TENM4: variants seen among roughly 807,000 people sequenced by gnomAD.
TENM4 encodes the protein teneurin transmembrane protein 4.
A neutral mutation model predicts 243.3 loss-of-function variants in TENM4; 82 were observed. The ratio of observed to expected loss-of-function variants is 0.34; its 90% CI spans 0.28 to 0.40. The LOEUF is 0.40. Among genes scored for constraint, TENM4 ranks in the 10% least tolerant of loss-of-function variants. TENM4 has a pLI of 1.00. For synonymous variants in TENM4, 1,412 were observed against 1,456.3 expected (o/e 0.97, Z 0.69); for missense variants, 3,138 against 3,673.3 (o/e 0.85, Z 3.77).
chr11:79,078,900 C>T (rs532779679), intron 4 of TENM4, among the ~76,000 whole-genome samples: 1 of 152,310 alleles, frequency 6.6e-6, no homozygotes, highest in Non-Finnish European at 1.5e-5. Context: ...CTGTCTGACC[C>T]CAAGGTTCAA....
In TENM4 at chr11:79,139,837, G is replaced by T. The variant is rs1333590632; in HGVS notation, c.-66+8873C>A. The stretch of plus-strand genomic sequence containing the variant: ...ATTTTATATTTATATATAATACATA[G>T]ATTATGTAATATATATGTATTTTCC... On this transcript the variant is annotated intron_variant, in intron 4 of 33. Coordinates refer to ENST00000278550, the MANE Select transcript of TENM4 (RefSeq NM_001098816.3). Among the ~76,000 whole-genome samples the T allele has an allele frequency of 8.7e-4, 78 of 89,968 alleles. 2 individuals carry two copies. Among genetic ancestry groups the T allele is most frequent in the African/African-American group, 4.1e-3 (73 of 17,700 alleles). 59.0% of individuals were successfully genotyped at this position (89,968 alleles called of 152,430 possible). A position where few individuals can be genotyped will look rare whatever the true frequency, so the allele number is the denominator to read the frequency against.
At chr11:78,771,350 G>A (rs997553067) in intron 17 of TENM4, among the ~76,000 whole-genome samples, 2 of 152,200 alleles carry the variant, frequency 1.3e-5, no homozygotes, top group South Asian at 2.1e-4. Context: ...TGCCAGGGTC[G>A]CACAGTCAGA....
chr11:79,244,096 G>GC (rs1451569277), intron 2 of TENM4, among the ~76,000 whole-genome samples: 2 of 152,196 alleles, frequency 1.3e-5, no homozygotes, highest in Non-Finnish European at 2.9e-5. Flanking sequence ...GCCCTGGAGA[G>GC]CCCCTTAGAA....
intron 1 of TENM4, among the ~76,000 whole-genome samples, chr11:79,352,324 C>T (rs1323647271): frequency 1.3e-5 from 2 of 152,214 alleles, no homozygotes; most frequent in South Asian, 2.1e-4. Context: ...CTGACCCAAA[C>T]ACAATCACCA....
chr11:78,903,788 A>G (rs917443218), intron 6 of TENM4: 13 of 703,366 alleles, frequency 1.8e-5, no homozygotes, highest in Admixed American at 1.0e-4. Flanking sequence ...AATAAACAAC[A>G]TAAAAAAGAC....
intron 5 of TENM4, among the ~76,000 whole-genome samples, chr11:79,068,793 G>A (rs1213703361): frequency 1.3e-5 from 2 of 152,192 alleles, no homozygotes; most frequent in Non-Finnish European, 2.9e-5. Context: ...TGGCAGGTCT[G>A]GAAACTTGAG....
At chr11:79,399,373 G>A (rs1435092487) in intron 1 of TENM4, among the ~76,000 whole-genome samples, 1 of 152,174 alleles carries the variant, frequency 6.6e-6, no homozygotes, top group African/African-American at 2.4e-5. Flanking sequence ...TATGGACAAG[G>A]ACTAATCTGT....
chr11:79,167,233 C>T (rs1862934668), intron 3 of TENM4, among the ~76,000 whole-genome samples: 1 of 152,172 alleles, frequency 6.6e-6, no homozygotes, highest in Non-Finnish European at 1.5e-5. Flanking sequence ...AGCATCATAT[C>T]TGAGTTCACA....
intron 15 of TENM4, among the ~76,000 whole-genome samples, chr11:78,797,263 T>C (rs1296423094): frequency 1.3e-5 from 2 of 152,224 alleles, no homozygotes; most frequent in African/African-American, 2.4e-5. Context: ...CAGAGGTTAA[T>C]GTATTTGCTG....
At chr11:79,090,916 T>A (rs1194539522) in intron 4 of TENM4, among the ~76,000 whole-genome samples, 5 of 152,174 alleles carry the variant, frequency 3.3e-5, no homozygotes, top group Non-Finnish European at 5.9e-5. Flanking sequence ...ATAATCCCCA[T>A]CCCAGATCCT....
intron 1 of TENM4, among the ~76,000 whole-genome samples, chr11:79,388,565 G>GT (rs1404028713): frequency 1.3e-5 from 2 of 152,104 alleles, no homozygotes; most frequent in Non-Finnish European, 2.9e-5. Flanking sequence ...TCCTTTGGGC[G>GT]TAAGAGTGGG....
intron 3 of TENM4, among the ~76,000 whole-genome samples, chr11:79,171,544 T>C (rs979721779): frequency 6.6e-6 from 1 of 152,210 alleles, no homozygotes; most frequent in Admixed American, 6.5e-5. Flanking sequence ...CCCCATAGAC[T>C]GATTAAATAT....
At chr11:79,412,142 A>T (rs567666529) in intron 1 of TENM4, among the ~76,000 whole-genome samples, 1 of 152,278 alleles carries the variant, frequency 6.6e-6, no homozygotes, top group Admixed American at 6.5e-5. Flanking sequence ...CGAACACCCC[A>T]AGAGGACACA....
intron 3 of TENM4, among the ~76,000 whole-genome samples, chr11:79,188,957 T>TA (rs1863427976): frequency 6.6e-6 from 1 of 152,170 alleles, no homozygotes; most frequent in South Asian, 2.1e-4. Flanking sequence ...AAGGAATTCC[T>TA]AGTCCTCATG....
intron 12 of TENM4, among the ~76,000 whole-genome samples, chr11:78,844,703 A>G (rs1000000221): frequency 3.3e-5 from 5 of 152,010 alleles, no homozygotes; most frequent in African/African-American, 1.2e-4. Flanking sequence ...CACAGAGAAA[A>G]GCCCACATGA....
chr11:78,991,354 C>G (rs1858040908), intron 6 of TENM4, among the ~76,000 whole-genome samples: 1 of 151,906 alleles, frequency 6.6e-6, no homozygotes, highest in African/African-American at 2.4e-5. Context: ...AAGGAAACAT[C>G]TGAGAGGTAG....
chr11:78,974,783 C>T (rs1033876121), intron 6 of TENM4, among the ~76,000 whole-genome samples: 6 of 149,000 alleles, frequency 4.0e-5, no homozygotes, highest in Non-Finnish European at 8.9e-5. Context: ...AGCGCCTGGG[C>T]TCAAGTGATT....
At chr11:79,421,449 A>C (rs1181439981) in intron 1 of TENM4, among the ~76,000 whole-genome samples, 1 of 152,244 alleles carries the variant, frequency 6.6e-6, no homozygotes, top group Non-Finnish European at 1.5e-5. Flanking sequence ...TATTAACATT[A>C]CTAACAACTG....
At chr11:79,417,266 G>C (rs190083676) in intron 1 of TENM4, among the ~76,000 whole-genome samples, 1 of 152,330 alleles carries the variant, frequency 6.6e-6, no homozygotes. Context: ...CTGGCACCAA[G>C]GGCAAGGCAG....
Sources: gnomAD v4.1 joint callset for allele counts (sites outside exome capture counted in the v4.1 genomes callset) on GRCh38, gnomAD v4.1.1 for gene constraint, MANE v1.5 for transcripts, NCBI Gene and HGNC (gene_info 2026-07-23, HGNC 2026-07-21) for gene names.